Variants in MYO1H observed in about 807,000 individuals in gnomAD.
MYO1H encodes the protein myosin IH.
A neutral mutation model predicts 149.3 loss-of-function variants in MYO1H; 118 were observed. The observed-to-expected ratio is 0.79, with a 90% CI of 0.68 to 0.92. The LOEUF (loss-of-function observed/expected upper bound fraction) is 0.92. Among genes scored for constraint, MYO1H ranks in the 40% least tolerant of loss-of-function variants. The pLI is 0.00. For missense variants in MYO1H, 1,212 were observed against 1,280.7 expected (o/e 0.95, Z 0.82); for synonymous variants, 447 against 465.2 (o/e 0.96, Z 0.50).
chr12:109,437,448 A>ATAGC (rs1871908570), intron 22 of MYO1H, among the ~76,000 whole-genome samples: 1 of 152,218 alleles, frequency 6.6e-6, no homozygotes. Context: ...TCATTTGCTG[A>ATAGC]TAGCTACATA....
Position 109,426,062 on chromosome 12 carries a change from G to A in MYO1H, c.1831+11G>A, listed in dbSNP as rs769520676. 3.1e-5 allele frequency: 49 copies of A among 1,598,580 alleles called. No individual in the cohort carries two copies. Among genetic ancestry groups the A allele is most frequent in the Non-Finnish European group, 3.8e-5 (44 of 1,166,632 alleles). On this transcript the variant is annotated intron_variant, in intron 18 of 31. Coordinates refer to ENST00000310903, the Ensembl canonical transcript of MYO1H. ...ACAGGAAAGAACCCAGTGAGTTGTGGATCATTATGAACTGGGCTCAGGGAA... is the reference window on the plus strand; with the variant it reads ...ACAGGAAAGAACCCAGTGAGTTGTGAATCATTATGAACTGGGCTCAGGGAA...
At chr12:109,425,028 G>A (rs772874525) in intron 17 of MYO1H, among the ~76,000 whole-genome samples, 200 bp downstream of exon 17, 1 of 152,140 alleles carries the variant, frequency 6.6e-6, no homozygotes, top group Non-Finnish European at 1.5e-5. Flanking sequence ...CCAGCACTTT[G>A]GGAGGCCCAG....
chr12:109,334,557 C>T, the MYO1H span, among the ~76,000 whole-genome samples: 13 of 152,322 alleles, frequency 8.5e-5, no homozygotes, highest in Middle Eastern at 3.4e-3. Flanking sequence ...AAGCCAGGAC[C>T]AGATCCATTG....
chr12:109,329,232 A>G, the MYO1H span, among the ~76,000 whole-genome samples: 1 of 152,258 alleles, frequency 6.6e-6, no homozygotes, highest in East Asian at 1.9e-4. Flanking sequence ...GCTTGTTTTT[A>G]TAAGTAAAGT....
At chr12:109,364,460 A>G (rs1288711319) in intron 1 of MYO1H, among the ~76,000 whole-genome samples, 1 of 152,058 alleles carries the variant, frequency 6.6e-6, no homozygotes. Context: ...AGTACCTGGG[A>G]CTACTGGGCA....
the MYO1H span, among the ~76,000 whole-genome samples, chr12:109,332,868 C>T: frequency 3.3e-5 from 5 of 152,178 alleles, no homozygotes; most frequent in African/African-American, 9.7e-5. Context: ...CAGGCGTGAG[C>T]CACCGTGCCC....
intron 1 of MYO1H, among the ~76,000 whole-genome samples, chr12:109,388,415 A>G (rs577832504): frequency 2.0e-5 from 3 of 152,322 alleles, no homozygotes; most frequent in Admixed American, 1.3e-4. Context: ...TAGGGTCAGA[A>G]TGAAGATCAA....
intron 16 of MYO1H, among the ~76,000 whole-genome samples, chr12:109,423,679 A>G (rs1273819131): frequency 1.3e-5 from 2 of 152,228 alleles, no homozygotes; most frequent in African/African-American, 2.4e-5. Context: ...GAGTGGAATC[A>G]GACAGTGTTT....
chr12:109,334,411 T>C, the MYO1H span, among the ~76,000 whole-genome samples: 3 of 151,948 alleles, frequency 2.0e-5, no homozygotes, highest in Admixed American at 2.0e-4. Context: ...CCTGGCCTCA[T>C]GCAGTCCTCC....
chr12:109,321,028 C>T, the MYO1H span, among the ~76,000 whole-genome samples: 1 of 151,840 alleles, frequency 6.6e-6, no homozygotes, highest in Admixed American at 6.6e-5. Flanking sequence ...GCAGAGGTTG[C>T]AGTGAGCCAA....
intron 6 of MYO1H, among the ~76,000 whole-genome samples, chr12:109,403,757 G>A (rs1566029343): frequency 6.6e-6 from 1 of 152,112 alleles, no homozygotes; most frequent in Non-Finnish European, 1.5e-5. Flanking sequence ...ATGTAACTTG[G>A]AATGTTTTCC....
At chr12:109,354,097 A>C (rs2136997471) in intron 1 of MYO1H, 1 of 152,356 alleles carries the variant, frequency 6.6e-6, no homozygotes, top group Non-Finnish European at 1.5e-5. Context: ...AGGGGCTTTT[A>C]ATAGCTGTTT....
chr12:109,443,778 C>G (rs1043903551), intron 28 of MYO1H, 129 bp downstream of exon 28: 2 of 966,338 alleles, frequency 2.1e-6, no homozygotes, highest in Non-Finnish European at 3.1e-6. Context: ...TGATGCACAC[C>G]TGTAGTCTCA....
At chr12:109,350,333 C>T (rs1386994496) in intron 1 of MYO1H, among the ~76,000 whole-genome samples, 1 of 152,074 alleles carries the variant, frequency 6.6e-6, no homozygotes, top group Non-Finnish European at 1.5e-5. Flanking sequence ...ATAATTCCCT[C>T]GTGTTGTGGG....
intron 1 of MYO1H, among the ~76,000 whole-genome samples, chr12:109,356,576 G>A (rs1023552780): frequency 2.4e-4 from 36 of 151,956 alleles, no homozygotes; most frequent in African/African-American, 8.2e-4. Flanking sequence ...AGAAGACTAG[G>A]CTTTGCATTT....
upstream of MYO1H, among the ~76,000 whole-genome samples, chr12:109,346,498 C>T (rs981421525): frequency 6.6e-6 from 1 of 152,230 alleles, no homozygotes; most frequent in Non-Finnish European, 1.5e-5. Flanking sequence ...CGATGGCCCA[C>T]ACCTGTAATT....
chr12:109,443,227 T>C (rs1280751025), intron 27 of MYO1H, among the ~76,000 whole-genome samples: 3 of 136,128 alleles, frequency 2.2e-5, no homozygotes, highest in Non-Finnish European at 4.8e-5. Flanking sequence ...TATGTGTGTG[T>C]ATATGTGTAC....
chr12:109,383,326 C>T (rs76780030), intron 1 of MYO1H, among the ~76,000 whole-genome samples: 4,905 of 152,286 alleles, frequency 0.032, 268 homozygotes, highest in African/African-American at 0.11. Context: ...GCCAAAACAG[C>T]TGGCCAAGTT....
chr12:109,361,750 A>G (rs1167501280), intron 1 of MYO1H, among the ~76,000 whole-genome samples: 3 of 143,266 alleles, frequency 2.1e-5, no homozygotes, highest in Non-Finnish European at 3.0e-5. Context: ...TCGAGGTTGC[A>G]GTGAGCTGTG....
Sources: gnomAD v4.1 joint callset for allele counts (sites outside exome capture counted in the v4.1 genomes callset) on GRCh38, gnomAD v4.1.1 for gene constraint, MANE v1.5 for transcripts, NCBI Gene and HGNC (gene_info 2026-07-23, HGNC 2026-07-21) for gene names.